Variants in ADAMTS3 observed in about 807,000 individuals in gnomAD.
ADAMTS3 encodes ADAM metallopeptidase with thrombospondin type 1 motif 3, also known as A disintegrin and metalloproteinase with thrombospondin motifs 3.
In ADAMTS3, 73 loss-of-function variants were observed where a neutral mutation model predicts 129.0. The ratio of observed to expected loss-of-function variants is 0.57; its 90% CI spans 0.47 to 0.69. The LOEUF is 0.69. Among genes scored for constraint, ADAMTS3 ranks in the 30% least tolerant of loss-of-function variants. The probability of loss-of-function intolerance (pLI) is 0.00; values close to 1 mark genes in which losing one functional copy is unlikely to be tolerated. For synonymous variants in ADAMTS3, 477 were observed against 510.8 expected (o/e 0.93, Z 0.89); for missense variants, 1,457 against 1,514.5 (o/e 0.96, Z 0.63).
At chr4:72,291,521 A>G (rs1219756215) in intron 19 of ADAMTS3, among the ~76,000 whole-genome samples, 1 of 150,380 alleles carries the variant, frequency 6.6e-6, no homozygotes, top group Non-Finnish European at 1.5e-5. Flanking sequence ...TGTCCTTGCG[A>G]TAGTTTACTG....
chr4:72,470,376 T>TATATATATATATATATAC (rs557625827), intron 3 of ADAMTS3, among the ~76,000 whole-genome samples: 6 of 137,974 alleles, frequency 4.3e-5, no homozygotes, highest in African/African-American at 1.1e-4. Flanking sequence ...TATATATATA[T>TATATATATATATATATAC]ACACACACAC....
chr4:72,372,385 A>G (rs1721031392), intron 4 of ADAMTS3, among the ~76,000 whole-genome samples: 1 of 151,670 alleles, frequency 6.6e-6, no homozygotes, highest in Non-Finnish European at 1.5e-5. Flanking sequence ...ATAAGGAATG[A>G]AAAAACCAAT....
chr4:72,351,856 T>C (rs1403357724), intron 4 of ADAMTS3, among the ~76,000 whole-genome samples: 3 of 151,950 alleles, frequency 2.0e-5, no homozygotes, highest in African/African-American at 7.2e-5. Flanking sequence ...TTAAAAATCA[T>C]ATTTAGATGA....
At chr4:72,383,762 T>C (rs2109882584) in intron 4 of ADAMTS3, among the ~76,000 whole-genome samples, 1 of 152,268 alleles carries the variant, frequency 6.6e-6, no homozygotes, top group South Asian at 2.1e-4. Flanking sequence ...AATGTATCAT[T>C]CAAAATGTTT....
At chr4:72,450,259 A>AT (rs368327267) in intron 3 of ADAMTS3, among the ~76,000 whole-genome samples, 8 of 151,192 alleles carry the variant, frequency 5.3e-5, no homozygotes, top group Non-Finnish European at 1.2e-4. Context: ...TTGAAACCAC[A>AT]TTTTTTTTCA....
intron 3 of ADAMTS3, among the ~76,000 whole-genome samples, chr4:72,530,416 T>TATATATTAAATTAATATATGTTAATTTA (rs1720980189): frequency 2.4e-5 from 2 of 85,068 alleles, no homozygotes; most frequent in Non-Finnish European, 4.0e-5. Flanking sequence ...TAATATATAA[T>TATATATTAAATTAATATATGTTAATTTA]ATATATTAAA....
At chr4:72,384,587 C>A (rs915469115) in intron 4 of ADAMTS3, among the ~76,000 whole-genome samples, 2 of 151,874 alleles carry the variant, frequency 1.3e-5, no homozygotes, top group Non-Finnish European at 2.9e-5. Context: ...AAATTACTTT[C>A]AAAAAGGTAG....
At chr4:72,424,456 T>A (rs1232974849) in intron 3 of ADAMTS3, among the ~76,000 whole-genome samples, 1 of 152,086 alleles carries the variant, frequency 6.6e-6, no homozygotes, top group Non-Finnish European at 1.5e-5. Context: ...TCCATTCTAA[T>A]TCCTCTAATT....
intron 4 of ADAMTS3, among the ~76,000 whole-genome samples, chr4:72,404,662 C>T (rs755350706): frequency 1.9e-4 from 29 of 151,904 alleles, no homozygotes; most frequent in Non-Finnish European, 4.4e-5. Flanking sequence ...AGGACTACAT[C>T]AAACTAAAAA....
chr4:72,404,673 G>A (rs981334780), intron 4 of ADAMTS3, among the ~76,000 whole-genome samples: 1 of 151,932 alleles, frequency 6.6e-6, no homozygotes, highest in Non-Finnish European at 1.5e-5. Flanking sequence ...AAACTAAAAA[G>A]CTTCTACACA....
chr4:72,392,529 T>C (rs1381073987), intron 4 of ADAMTS3, among the ~76,000 whole-genome samples: 2 of 152,246 alleles, frequency 1.3e-5, no homozygotes, highest in African/African-American at 4.8e-5. Context: ...TAATTTTTCT[T>C]GTCTCTACCT....
chr4:72,487,304 G>T lies in ADAMTS3; in HGVS notation c.504+61174C>A, dbSNP rs148096928. ...AAAAAGCTAACATGGATATTAAGAA[G>T]GAAAAAAGGATGCATGTGCTAAAAT... is the stretch of plus-strand genomic sequence containing the variant. On this transcript the variant is annotated intron_variant, in intron 3 of 21. Transcript: ENST00000286657. Among the ~76,000 whole-genome samples, 8 of 152,070 alleles carry T rather than the reference G, an allele frequency of 5.3e-5. No homozygotes were observed. In the East Asian group the frequency reaches 1.5e-3, roughly 29 times the overall value.
chr4:72,352,800 A>G (rs527611648), intron 4 of ADAMTS3, among the ~76,000 whole-genome samples: 1 of 152,146 alleles, frequency 6.6e-6, no homozygotes, highest in East Asian at 1.9e-4. Context: ...AATGGGCATA[A>G]TGCACGCAGA....
chr4:72,355,081 A>G (rs890156765), intron 4 of ADAMTS3, among the ~76,000 whole-genome samples: 1 of 151,858 alleles, frequency 6.6e-6, no homozygotes, highest in African/African-American at 2.4e-5. Flanking sequence ...CTCTTATTGT[A>G]TCCTAGCTTT....
chr4:72,419,765 A>G (rs1422455669), intron 3 of ADAMTS3, among the ~76,000 whole-genome samples: 1 of 152,156 alleles, frequency 6.6e-6, no homozygotes, highest in African/African-American at 2.4e-5. Flanking sequence ...GTGGACAGCA[A>G]GCAAGCTATT....
Position 72,312,479 on chromosome 4 carries a change from C to T in ADAMTS3, c.1746-13G>A. 6.2e-7 allele frequency: 1 copy of T among 1,612,176 alleles called. No homozygotes were observed. The highest frequency in any genetic ancestry group is 8.5e-7 in the Non-Finnish European group (1 of 1,178,958). On this transcript the variant is annotated splice_polypyrimidine_tract_variant and intron_variant, in intron 12 of 21. Coordinates refer to ENST00000286657, the MANE Select transcript of ADAMTS3 (RefSeq NM_014243.3). Reference sequence around the variant, plus strand: ...ACCATTGATGGGCCTAAAGAAAAGACAACATTTAAAAAGGCCTTTTGGCTT... The same window carrying T: ...ACCATTGATGGGCCTAAAGAAAAGATAACATTTAAAAAGGCCTTTTGGCTT...
At chr4:72,285,819 GA>G (rs528005227) in intron 21 of ADAMTS3, among the ~76,000 whole-genome samples, 1 of 146,802 alleles carries the variant, frequency 6.8e-6, no homozygotes, top group Admixed American at 6.8e-5. Flanking sequence ...GGAGTCACAT[GA>G]AAAAAATCAA....
intron 7 of ADAMTS3, among the ~76,000 whole-genome samples, chr4:72,320,257 C>T (rs902300406): frequency 5.9e-5 from 9 of 152,170 alleles, no homozygotes; most frequent in African/African-American, 2.2e-4. Flanking sequence ...AATGGTCCTT[C>T]ATATCGTGGT....
chr4:72,325,647 C>T (rs1719679700), intron 5 of ADAMTS3, among the ~76,000 whole-genome samples: 1 of 151,964 alleles, frequency 6.6e-6, no homozygotes. Flanking sequence ...TAAAACAAAA[C>T]TAAAGAAACG....
Sources: gnomAD v4.1 joint callset for allele counts (sites outside exome capture counted in the v4.1 genomes callset) on GRCh38, gnomAD v4.1.1 for gene constraint, MANE v1.5 for transcripts, NCBI Gene and HGNC (gene_info 2026-07-23, HGNC 2026-07-21) for gene names.